Variants in PAPPA2 observed in about 807,000 individuals in gnomAD.
PAPPA2 encodes the protein pappalysin-2.
In PAPPA2, 86 loss-of-function variants were observed where a neutral mutation model predicts 176.4. That is an observed-to-expected ratio of 0.49 (90% CI 0.41 to 0.58). The LOEUF (loss-of-function observed/expected upper bound fraction) is 0.58. Among genes scored for constraint, PAPPA2 ranks in the 20% least tolerant of loss-of-function variants. The probability of loss-of-function intolerance (pLI) is 0.00; values close to 1 mark genes in which losing one functional copy is unlikely to be tolerated. For missense variants in PAPPA2, 2,073 were observed against 2,256.9 expected (o/e 0.92, Z 1.65); for synonymous variants, 809 against 852.2 (o/e 0.95, Z 0.88).
rs1331422525 is a variant in PAPPA2 at position 176,594,837 on chromosome 1, C to T, written c.1233C>T (p.Asp411=). 5 of 1,614,120 alleles carry T rather than the reference C, an allele frequency of 3.1e-6. No individual in the cohort carries two copies. The highest frequency in any genetic ancestry group is 1.1e-5 in the South Asian group (1 of 91,092). The part of the protein sequence containing the change: ...ASCRSLLLGG[D]SSEDGHYFRG... ...GCCGCTCTTTGCTCCTGGGGGGAGA[C>T]AGCTCTGAGGATGGGCACTATTTCC... Residue 411 remains aspartate, a synonymous_variant, in exon 3 of 23, where the codon GAC becomes GAT. Transcript: ENST00000367662.
intron 1 of PAPPA2, among the ~76,000 whole-genome samples, chr1:176,548,458 G>A (rs149314440): frequency 6.6e-4 from 101 of 152,144 alleles, no homozygotes; most frequent in African/African-American, 2.2e-3. Context: ...GAGACTTTAG[G>A]AAAAGTCCCA....
chr1:176,578,649 T>C (rs1178778012), intron 2 of PAPPA2, among the ~76,000 whole-genome samples: 8 of 152,156 alleles, frequency 5.3e-5, no homozygotes, highest in Admixed American at 2.6e-4. Context: ...TTTACTAAGG[T>C]AGTCAAGGAA....
chr1:176,541,938 T>C (rs1163097225), intron 1 of PAPPA2, among the ~76,000 whole-genome samples: 5 of 152,374 alleles, frequency 3.3e-5, no homozygotes, highest in African/African-American at 1.2e-4. Flanking sequence ...TGATACACTT[T>C]GTTAGCACTT....
At chr1:176,685,009 G>A (rs1452399931) in intron 4 of PAPPA2, among the ~76,000 whole-genome samples, 1 of 151,752 alleles carries the variant, frequency 6.6e-6, no homozygotes, top group East Asian at 1.9e-4. Context: ...TGATGAGGTT[G>A]TTCTCCTACT....
intron 1 of PAPPA2, among the ~76,000 whole-genome samples, chr1:176,495,791 G>A (rs941902862): frequency 6.8e-6 from 1 of 147,770 alleles, no homozygotes; most frequent in Non-Finnish European, 1.5e-5. Flanking sequence ...AATAAATTTT[G>A]GTGTGAATTT....
intron 12 of PAPPA2, among the ~76,000 whole-genome samples, chr1:176,713,933 T>G (rs1661255274): frequency 6.6e-6 from 1 of 152,210 alleles, no homozygotes; most frequent in Admixed American, 6.5e-5. Context: ...GTTTAAGAGC[T>G]AATAAGTGTC....
intron 21 of PAPPA2, among the ~76,000 whole-genome samples, chr1:176,804,243 G>A (rs1007570461): frequency 1.3e-5 from 2 of 152,122 alleles, no homozygotes; most frequent in African/African-American, 2.4e-5. Flanking sequence ...CTTCATGCAT[G>A]TTGAAACCCA....
chr1:176,772,987 A>G (rs1664300741), intron 17 of PAPPA2, among the ~76,000 whole-genome samples: 1 of 152,100 alleles, frequency 6.6e-6, no homozygotes, highest in South Asian at 2.1e-4. Context: ...AAAGACAGCA[A>G]GATCATCACC....
At chr1:176,521,425 C>T (rs1023575977) in intron 1 of PAPPA2, among the ~76,000 whole-genome samples, 1 of 152,068 alleles carries the variant, frequency 6.6e-6, no homozygotes, top group East Asian at 1.9e-4. Context: ...CTAGCAGCAC[C>T]CCACATTAAC....
At chr1:176,619,478 G>A (rs1205782535) in intron 3 of PAPPA2, among the ~76,000 whole-genome samples, 1 of 152,178 alleles carries the variant, frequency 6.6e-6, no homozygotes, top group East Asian at 1.9e-4. Context: ...GATTCAGTGG[G>A]AAAGAATGCT....
intron 14 of PAPPA2, among the ~76,000 whole-genome samples, chr1:176,758,975 G>C (rs1663566895): frequency 6.6e-6 from 1 of 152,216 alleles, no homozygotes; most frequent in Non-Finnish European, 1.5e-5. Flanking sequence ...AGATGGTTAA[G>C]AGACTTGCCC....
At chr1:176,644,344 T>A (rs1422102504) in intron 3 of PAPPA2, among the ~76,000 whole-genome samples, 1 of 151,808 alleles carries the variant, frequency 6.6e-6, no homozygotes, top group Non-Finnish European at 1.5e-5. Context: ...TCTTTTTATT[T>A]TTTATCTCCT....
Position 176,623,681 on chromosome 1 carries a change from CTT to C in PAPPA2, c.1991+28088_1991+28089del, listed in dbSNP as rs1440236074. Reference sequence around the variant, plus strand: ...TTTCTTTCTTTCTTTTTCTTTCTTTCTTTCTCTCTCTCTTTCCTTTCTTTCTT... The same window carrying C: ...TTTCTTTCTTTCTTTTTCTTTCTTTCTCTCTCTCTCTTTCCTTTCTTTCTT... On this transcript the variant is annotated intron_variant, in intron 3 of 22. Coordinates refer to ENST00000367662, the MANE Select transcript of PAPPA2 (RefSeq NM_020318.3). 1.8e-4 allele frequency among the ~76,000 whole-genome samples: 25 copies of C among 136,474 alleles called. 1 individual carries two copies. Among genetic ancestry groups the C allele is most frequent in the Non-Finnish European group, 2.5e-4 (16 of 63,534 alleles). 89.5% of individuals were successfully genotyped at this position (136,474 alleles called of 152,430 possible). A position where few individuals can be genotyped will look rare whatever the true frequency, so the allele number is the denominator to read the frequency against.
At chr1:176,759,112 A>G (rs535936025) in intron 14 of PAPPA2, among the ~76,000 whole-genome samples, 5 of 152,344 alleles carry the variant, frequency 3.3e-5, no homozygotes, top group South Asian at 2.1e-4. Context: ...GTTTCTCTTA[A>G]GCAAAGCTAT....
rs947147996 is a variant in PAPPA2 at position 176,555,627 on chromosome 1, T to C, written c.-696T>C. On this transcript the variant is annotated 5_prime_UTR_variant, in exon 2 of 23. Transcript: ENST00000367662. Reference sequence around the variant, plus strand: ...ACTGGAGGCTGGATGGGGACCTGGCTGAAGACATCTGGAGAATGAAAGTTA... The same window carrying C: ...ACTGGAGGCTGGATGGGGACCTGGCCGAAGACATCTGGAGAATGAAAGTTA... 1 of 152,276 alleles carries C rather than the reference T, an allele frequency of 6.6e-6. No homozygotes were observed. Among genetic ancestry groups the C allele is most frequent in the African/African-American group, 2.4e-5 (1 of 41,460 alleles). The allele number at this position is 152,276 out of a possible 1,614,324, so 9.4% of individuals were successfully genotyped here. A position where few individuals can be genotyped will look rare whatever the true frequency, so the allele number is the denominator to read the frequency against.
At chr1:176,828,522 A>G (rs1666945955) in intron 21 of PAPPA2, among the ~76,000 whole-genome samples, 1 of 151,370 alleles carries the variant, frequency 6.6e-6, no homozygotes, top group South Asian at 2.1e-4. Context: ...TACACATAGT[A>G]TAATACATAT....
intron 14 of PAPPA2, among the ~76,000 whole-genome samples, chr1:176,743,712 G>C (rs1044876911): frequency 6.6e-6 from 1 of 152,148 alleles, no homozygotes; most frequent in Admixed American, 6.6e-5. Flanking sequence ...AGACAAACAG[G>C]ACTCTTTCTA....
At chr1:176,678,601 A>G (rs1252504226) in intron 4 of PAPPA2, among the ~76,000 whole-genome samples, 1 of 152,106 alleles carries the variant, frequency 6.6e-6, no homozygotes, top group African/African-American at 2.4e-5. Flanking sequence ...TGTTTCTGGA[A>G]AAAGTGCTAA....
At chr1:176,512,701 A>G (rs1307958519) in intron 1 of PAPPA2, among the ~76,000 whole-genome samples, 1 of 152,216 alleles carries the variant, frequency 6.6e-6, no homozygotes, top group Non-Finnish European at 1.5e-5. Flanking sequence ...GTGTGCATAT[A>G]TATATGTCAA....
Sources: allele counts gnomAD v4.1 joint callset (sites outside exome capture counted in the v4.1 genomes callset), GRCh38; gene constraint gnomAD v4.1.1; transcripts MANE v1.5; gene names NCBI Gene and HGNC (gene_info 2026-07-23, HGNC 2026-07-21).